PID1: variants seen among roughly 807,000 people sequenced by gnomAD.
PID1 encodes PTB-containing, cubilin and LRP1-interacting protein.
A neutral mutation model predicts 19.1 loss-of-function variants in PID1; 10 were observed. The ratio of observed to expected loss-of-function variants is 0.52; its 90% CI spans 0.32 to 0.89. PID1 has a LOEUF of 0.89. Ranked by LOEUF, PID1 falls within the 40% of genes least tolerant of loss-of-function variation. The pLI, the probability that PID1 is intolerant of heterozygous loss-of-function variation, is 0.03. For synonymous variants in PID1, 130 were observed against 116.0 expected (o/e 1.12, Z -0.78); for missense variants, 248 against 285.3 (o/e 0.87, Z 0.94).
intron 1 of PID1, among the ~76,000 whole-genome samples, chr2:229,179,940 A>C (rs1414106640): frequency 6.6e-6 from 1 of 152,172 alleles, no homozygotes; most frequent in African/African-American, 2.4e-5. Context: ...TTTGTCCTCA[A>C]CTGAGTCCCT....
intron 1 of PID1, among the ~76,000 whole-genome samples, chr2:229,162,261 C>G (rs184296214): frequency 3.3e-5 from 5 of 152,124 alleles, no homozygotes; most frequent in Non-Finnish European, 4.4e-5. Context: ...TTACAGTTGG[C>G]GCTGCTTCCT....
rs1693499551 is a variant in PID1 at position 229,029,495 on chromosome 2, A to G, written c.178-3387T>C. ...TCATGTATCCTGTCGGTGGGAATTT[A>G]AAACAGTACAATTTCTATACCATGT... On this transcript the variant is annotated intron_variant, in intron 2 of 2. Transcript: ENST00000392055. Among the ~76,000 whole-genome samples, 3 of 152,136 alleles carry G rather than the reference A, an allele frequency of 2.0e-5. 1 individual carries two copies. The South Asian group carries it at 6.2e-4, about 31-fold the overall frequency.
chr2:229,271,020 G>A lies in PID1; in HGVS notation c.24C>T (p.Arg8=). 1 of 1,543,078 alleles carries A rather than the reference G, an allele frequency of 6.5e-7. No individual in the cohort carries two copies. The highest frequency in any genetic ancestry group is 8.7e-7 in the Non-Finnish European group (1 of 1,143,994). Residue 8 remains arginine (R), a synonymous_variant, in exon 1 of 3, where the codon CGC becomes CGT. Transcript: ENST00000392055. ...GCTCCCGGGTGCCCCTTACCTGCAG[G>A]CGCTCCGTGGCCGGCTGCCACATCT... The part of the protein sequence containing the change: MWQPATE[R]LQHFQTMLKS...
At chr2:229,241,403 G>A (rs1459909867) in intron 1 of PID1, among the ~76,000 whole-genome samples, 2 of 152,062 alleles carry the variant, frequency 1.3e-5, no homozygotes, top group African/African-American at 4.8e-5. Flanking sequence ...TTACAGTTTG[G>A]TAGGCTAGGT....
intron 2 of PID1, among the ~76,000 whole-genome samples, chr2:229,079,283 T>C (rs2106209247): frequency 6.6e-6 from 1 of 152,342 alleles, no homozygotes; most frequent in Admixed American, 6.5e-5. Flanking sequence ...GACTGCTATA[T>C]GGTTTGTTTT....
chr2:229,069,860 A>G (rs912782105), intron 2 of PID1, among the ~76,000 whole-genome samples: 2 of 152,198 alleles, frequency 1.3e-5, no homozygotes, highest in East Asian at 3.9e-4. Flanking sequence ...AAAATCCTCT[A>G]TTATTCAAAC....
chr2:229,163,678 TGTGC>T (rs1690539082), intron 1 of PID1, among the ~76,000 whole-genome samples: 2 of 80,146 alleles, frequency 2.5e-5, no homozygotes, highest in African/African-American at 6.6e-5. Flanking sequence ...TGTGTGTGCG[TGTGC>T]GTGTGTGTGT....
intron 1 of PID1, among the ~76,000 whole-genome samples, chr2:229,249,538 C>T (rs1393301900): frequency 6.6e-6 from 1 of 152,196 alleles, no homozygotes; most frequent in East Asian, 1.9e-4. Context: ...TGCAATGGGG[C>T]ACACAAAGAT....
At position 229,138,990 on chromosome 2, in the gene PID1, A is replaced by C. The variant is rs1005172518; in HGVS notation, c.177+16828T>G. Among the ~76,000 whole-genome samples, 200 of 75,040 alleles carry C rather than the reference A, an allele frequency of 2.7e-3. 10 individuals are homozygous for C. Among genetic ancestry groups the C allele is most frequent in the African/African-American group, 0.01 (193 of 18,630 alleles). 49.2% of individuals were successfully genotyped at this position (75,040 alleles called of 152,430 possible). ...AAATAGAAAAAAATAGAAGAAAGAA[A>C]GAAAGAAAGAAAGAAAGAAAGAAAG... On this transcript the variant is annotated intron_variant, in intron 2 of 2. Coordinates refer to ENST00000392055, the MANE Select transcript of PID1 (RefSeq NM_001100818.2).
intron 1 of PID1, among the ~76,000 whole-genome samples, chr2:229,259,661 T>A (rs1055877356): frequency 6.6e-6 from 1 of 152,242 alleles, no homozygotes; most frequent in Non-Finnish European, 1.5e-5. Flanking sequence ...ATTTTGTATA[T>A]GAATATCCAA....
intron 2 of PID1, among the ~76,000 whole-genome samples, chr2:229,120,589 C>CTG (rs1695496957): frequency 6.7e-6 from 1 of 149,364 alleles, no homozygotes; most frequent in African/African-American, 2.4e-5. Context: ...CAAGGGTCAA[C>CTG]TGTGTATATA....
intron 2 of PID1, among the ~76,000 whole-genome samples, chr2:229,064,647 ATTTG>A (rs1473446381): frequency 1.3e-5 from 2 of 152,126 alleles, no homozygotes; most frequent in Non-Finnish European, 2.9e-5. Flanking sequence ...GAAAAAGCAT[ATTTG>A]TTTGTGTTTT....
At chr2:229,188,522 G>C (rs1418520937) in intron 1 of PID1, among the ~76,000 whole-genome samples, 1 of 152,108 alleles carries the variant, frequency 6.6e-6, no homozygotes, top group Non-Finnish European at 1.5e-5. Flanking sequence ...TGGATCACCT[G>C]AGGTCAGGAC....
intron 2 of PID1, among the ~76,000 whole-genome samples, chr2:229,153,471 A>C (rs895444743): frequency 1.3e-5 from 2 of 152,154 alleles, no homozygotes; most frequent in Admixed American, 6.5e-5. Flanking sequence ...TTGAATGCAG[A>C]AGTTCTTCCT....
intron 2 of PID1, among the ~76,000 whole-genome samples, chr2:229,087,609 G>A (rs1052831034): frequency 2.6e-5 from 4 of 152,096 alleles, no homozygotes; most frequent in African/African-American, 7.2e-5. Context: ...AATGTTCCTC[G>A]AAGACAGTTG....
intron 2 of PID1, among the ~76,000 whole-genome samples, chr2:229,149,826 C>T (rs1690210717): frequency 6.6e-6 from 1 of 152,094 alleles, no homozygotes; most frequent in South Asian, 2.1e-4. Context: ...AGGTGAGGGG[C>T]TGGTGGGACT....
chr2:229,164,647 G>A (rs1197850907), intron 1 of PID1, among the ~76,000 whole-genome samples: 2 of 152,162 alleles, frequency 1.3e-5, no homozygotes, highest in African/African-American at 4.8e-5. Flanking sequence ...ACAACCAGAA[G>A]TTAAGAAACA....
chr2:229,133,285 A>G (rs1341182435), intron 2 of PID1, among the ~76,000 whole-genome samples: 4 of 152,250 alleles, frequency 2.6e-5, no homozygotes, highest in Non-Finnish European at 5.9e-5. Flanking sequence ...AAAGGAAAGT[A>G]ACACTTCCAG....
chr2:229,098,314 G>C (rs1695010408), intron 2 of PID1, among the ~76,000 whole-genome samples: 1 of 152,178 alleles, frequency 6.6e-6, no homozygotes. Flanking sequence ...TCAGCACGAT[G>C]TACAAAGCAA....
Sources: gnomAD v4.1 joint callset for allele counts (sites outside exome capture counted in the v4.1 genomes callset) on GRCh38, gnomAD v4.1.1 for gene constraint, MANE v1.5 for transcripts, NCBI Gene and HGNC (gene_info 2026-07-23, HGNC 2026-07-21) for gene names.